The following DIP2C variants were observed in gnomAD, a reference collection of about 807,000 sequenced individuals.
DIP2C encodes the protein DIP2 acetate--CoA ligase C (putative).
In DIP2C, 33 loss-of-function variants were observed where a neutral mutation model predicts 192.4. The ratio of observed to expected loss-of-function variants is 0.17; its 90% CI spans 0.13 to 0.23. DIP2C has a LOEUF of 0.23. Ranked by LOEUF, DIP2C falls within the 10% of genes least tolerant of loss-of-function variation. The pLI, the probability that DIP2C is intolerant of heterozygous loss-of-function variation, is 1.00. For missense variants in DIP2C, 1,537 were observed against 2,110.1 expected (o/e 0.73, Z 5.32); for synonymous variants, 979 against 864.1 (o/e 1.13, Z -2.33).
In DIP2C at chr10:363,707, A is replaced by C. The variant is rs1959825959; in HGVS notation, c.2478-396T>G. Among the ~76,000 whole-genome samples, 1 of 152,192 alleles carries C rather than the reference A, an allele frequency of 6.6e-6. No individual in the cohort carries two copies. Among genetic ancestry groups the C allele is most frequent in the African/African-American group, 2.4e-5 (1 of 41,434 alleles). ...AATCAGTAGAAATTTGCCGTTTCAG[A>C]ACTAGTGATTTTCTGCTAAGTGTAT... On this transcript the variant is annotated intron_variant, in intron 20 of 36. Transcript: ENST00000280886. This position sits in a 1 kb window ranked among gnomAD's most constrained non-coding sequence, Gnocchi z 5.4.
intron 1 of DIP2C, among the ~76,000 whole-genome samples, chr10:602,056 G>A (rs1478882183): frequency 1.3e-5 from 2 of 151,562 alleles, no homozygotes; most frequent in Non-Finnish European, 1.5e-5. Flanking sequence ...ACATGGGAAG[G>A]GGCTTTTTGC....
intron 1 of DIP2C, among the ~76,000 whole-genome samples, chr10:580,782 A>G (rs1259447600): frequency 6.6e-6 from 1 of 152,208 alleles, no homozygotes; most frequent in African/African-American, 2.4e-5. Context: ...TTTTAAGGAA[A>G]TAATTTTCAT....
chr10:399,366 T>C, intron 9 of DIP2C, 147 bp from the exon 10 acceptor site: 1 of 623,388 alleles, frequency 1.6e-6, no homozygotes, highest in Non-Finnish European at 2.9e-6. Context: ...TGTGTTTTAA[T>C]AAGCATCACA....
intron 1 of DIP2C, among the ~76,000 whole-genome samples, chr10:567,368 T>C (rs1213513764): frequency 1.3e-5 from 2 of 152,062 alleles, no homozygotes; most frequent in African/African-American, 2.4e-5. Context: ...ATTTTTTTAT[T>C]CTTAGTAGAG....
intron 1 of DIP2C, among the ~76,000 whole-genome samples, chr10:660,121 C>CT: frequency 6.6e-6 from 1 of 152,368 alleles, no homozygotes; most frequent in East Asian, 1.9e-4. Context: ...AACAGAGATT[C>CT]TAGCCCTTGT....
intron 32 of DIP2C, among the ~76,000 whole-genome samples, chr10:293,863 T>C (rs1182168931): frequency 6.6e-6 from 1 of 152,166 alleles, no homozygotes; most frequent in Non-Finnish European, 1.5e-5. Flanking sequence ...AGACACTGCA[T>C]GAGACGGCCC....
intron 1 of DIP2C, chr10:664,843 CTT>C (rs1354636752): frequency 3.3e-5 from 5 of 152,084 alleles, no homozygotes; most frequent in African/African-American, 9.7e-5. Context: ...AAACTCCTAA[CTT>C]AATACTAAAT....
At chr10:594,109 CAG>C (rs1438093915) in intron 1 of DIP2C, among the ~76,000 whole-genome samples, 2 of 152,222 alleles carry the variant, frequency 1.3e-5, no homozygotes, top group Admixed American at 6.5e-5. Flanking sequence ...AGTGGGATGA[CAG>C]AGGGGCCGAC....
chr10:336,977 GCTGT>G (rs1564574405), intron 29 of DIP2C, among the ~76,000 whole-genome samples: 1 of 53,082 alleles, frequency 1.9e-5, no homozygotes, highest in South Asian at 6.5e-4. Context: ...GGCCTAGGCA[GCTGT>G]GTGTGTGTGT....
chr10:475,138 G>GT (rs1259638538), intron 2 of DIP2C, among the ~76,000 whole-genome samples: 7 of 151,980 alleles, frequency 4.6e-5, no homozygotes, highest in Non-Finnish European at 7.4e-5. Flanking sequence ...GAGCCTCCCA[G>GT]TTTAATTTCT....
At chr10:610,634 C>G (rs924653969) in intron 1 of DIP2C, among the ~76,000 whole-genome samples, 13 of 152,254 alleles carry the variant, frequency 8.5e-5, no homozygotes, top group Non-Finnish European at 1.8e-4. Context: ...CAGGTAAGAA[C>G]GGGGAGCCAG....
Position 587,538 on chromosome 10 carries a change from C to G in DIP2C, c.86-101008G>C, listed in dbSNP as rs141684279. ...ATAAAGGTCATTAATCCCAGCTATCCTCAAGACATTGATCAATAACAAGTC... is the reference window on the plus strand; with the variant it reads ...ATAAAGGTCATTAATCCCAGCTATCGTCAAGACATTGATCAATAACAAGTC... On this transcript the variant is annotated intron_variant, in intron 1 of 36. Coordinates refer to ENST00000280886, the MANE Select transcript of DIP2C (RefSeq NM_014974.3). Among the ~76,000 whole-genome samples, 7 of 152,316 alleles carry G rather than the reference C, an allele frequency of 4.6e-5. No homozygotes were observed. In the East Asian group the frequency reaches 1.4e-3, roughly 29 times the overall value.
At chr10:678,569 ACG>A (rs1830959284) in intron 1 of DIP2C, among the ~76,000 whole-genome samples, 1 of 132,194 alleles carries the variant, frequency 7.6e-6, no homozygotes, top group Non-Finnish European at 1.6e-5. Context: ...CATGCTCCCC[ACG>A]CCCGTCCTCC....
intron 1 of DIP2C, chr10:665,553 A>G (rs1857037683): frequency 6.6e-6 from 1 of 152,234 alleles, no homozygotes; most frequent in African/African-American, 2.4e-5. Context: ...AAAGGAAAGC[A>G]CACACAGTTG....
At chr10:614,752 C>G (rs1246870663) in intron 1 of DIP2C, among the ~76,000 whole-genome samples, 2 of 152,222 alleles carry the variant, frequency 1.3e-5, no homozygotes, top group East Asian at 3.8e-4. Context: ...GAGCCTCTGG[C>G]TACGGGCTCC....
chr10:289,264 C>A (rs551194874), intron 32 of DIP2C, among the ~76,000 whole-genome samples: 1 of 93,114 alleles, frequency 1.1e-5, no homozygotes, highest in African/African-American at 3.9e-5. Context: ...TACCATCCCC[C>A]AGTGATGTTT....
intron 8 of DIP2C, among the ~76,000 whole-genome samples, chr10:412,920 C>T (rs951428056): frequency 6.6e-6 from 1 of 152,240 alleles, no homozygotes; most frequent in Non-Finnish European, 1.5e-5. Context: ...ACATAAATCT[C>T]AGACATGCAG....
intron 1 of DIP2C, among the ~76,000 whole-genome samples, chr10:532,129 C>G (rs887209598): frequency 2.0e-5 from 3 of 152,106 alleles, no homozygotes. Flanking sequence ...TGTCCCCAGG[C>G]CAGTCCATCA....
At position 336,513 on chromosome 10, in the gene DIP2C, G is replaced by A. The variant is rs191695115; in HGVS notation, c.3584+4686C>T. ...TTAGAGATGAAGCCTACTTGGGCAC[G>A]GTGGATTAGGTTTTTGATGAGCATA... On this transcript the variant is annotated intron_variant, in intron 29 of 36. Coordinates refer to ENST00000280886, the MANE Select transcript of DIP2C (RefSeq NM_014974.3). 5.9e-5 allele frequency among the ~76,000 whole-genome samples: 9 copies of A among 152,248 alleles called. No individual in the cohort carries two copies. The South Asian group carries it at 1.7e-3, about 28-fold the overall frequency.
Sources: gnomAD v4.1 joint callset for allele counts (sites outside exome capture counted in the v4.1 genomes callset) on GRCh38, gnomAD v4.1.1 for gene constraint, Gnocchi (gnomAD v3.1) non-coding constraint, MANE v1.5 for transcripts, NCBI Gene and HGNC (gene_info 2026-07-23, HGNC 2026-07-21) for gene names.